The following FAT3 variants were observed in gnomAD, a reference collection of about 807,000 sequenced individuals.
The protein encoded by FAT3 is protocadherin Fat 3.
A neutral mutation model predicts 310.2 loss-of-function variants in FAT3; 95 were observed. The observed-to-expected ratio is 0.31, with a 90% CI of 0.26 to 0.36. The LOEUF (loss-of-function observed/expected upper bound fraction) is 0.36, where lower values mean the gene tolerates loss of function less well. FAT3 is among the 10% of genes least tolerant of loss of function. The pLI, the probability that FAT3 is intolerant of heterozygous loss-of-function variation, is 1.00. For synonymous variants in FAT3, 2,314 were observed against 2,192.9 expected (o/e 1.06, Z -1.54); for missense variants, 5,408 against 5,715.6 (o/e 0.95, Z 1.74).
At chr11:92,369,516 G>A (rs1042666351) in intron 2 of FAT3, among the ~76,000 whole-genome samples, 3 of 152,042 alleles carry the variant, frequency 2.0e-5, no homozygotes, top group African/African-American at 4.8e-5. Context: ...TCTCTGTATC[G>A]CTGGAGGAGG....
chr11:92,679,581 G>A (rs940295744), intron 3 of FAT3, among the ~76,000 whole-genome samples: 6 of 151,828 alleles, frequency 4.0e-5, no homozygotes, highest in African/African-American at 1.2e-4. Flanking sequence ...GGTGGCTCAC[G>A]CCTGTAATCC....
At chr11:92,367,929 T>C (rs1004137126) in intron 2 of FAT3, among the ~76,000 whole-genome samples, 10 of 152,212 alleles carry the variant, frequency 6.6e-5, no homozygotes, top group African/African-American at 2.2e-4. Flanking sequence ...GGCTTGAAGT[T>C]CATACTATTG....
intron 2 of FAT3, among the ~76,000 whole-genome samples, chr11:92,408,747 A>G (rs1950191320): frequency 6.6e-6 from 1 of 152,230 alleles, no homozygotes; most frequent in Admixed American, 6.5e-5. Flanking sequence ...ACATGTGCCT[A>G]TGTGAATAAG....
chr11:92,705,892 ATGGTGG>A (rs1243844059), intron 4 of FAT3, among the ~76,000 whole-genome samples: 2 of 38,056 alleles, frequency 5.3e-5, no homozygotes, highest in African/African-American at 1.9e-4. Flanking sequence ...TGGTGGTGTG[ATGGTGG>A]TGGTGATGGT....
chr11:92,656,686 A>C (rs1053506104), intron 3 of FAT3, among the ~76,000 whole-genome samples: 2 of 152,178 alleles, frequency 1.3e-5, no homozygotes, highest in Non-Finnish European at 1.5e-5. Flanking sequence ...CTGTGTAAAA[A>C]ATACTTAGCA....
At chr11:92,835,402 T>C (rs1186752571) in intron 15 of FAT3, among the ~76,000 whole-genome samples, 1 of 152,210 alleles carries the variant, frequency 6.6e-6, no homozygotes, top group Admixed American at 6.5e-5. Flanking sequence ...TGTGAACTTA[T>C]ATGACAGGTT....
intron 2 of FAT3, among the ~76,000 whole-genome samples, chr11:92,492,973 G>T (rs1952651601): frequency 6.6e-6 from 1 of 151,900 alleles, no homozygotes; most frequent in Admixed American, 6.6e-5. Flanking sequence ...CAGAGTTTCT[G>T]TTTTGTTTTT....
intron 2 of FAT3, among the ~76,000 whole-genome samples, chr11:92,399,954 C>T (rs192536694): frequency 6.6e-6 from 1 of 152,290 alleles, no homozygotes; most frequent in Non-Finnish European, 1.5e-5. Flanking sequence ...TGTTTTTCTT[C>T]CTGCCTGCTA....
intron 2 of FAT3, among the ~76,000 whole-genome samples, chr11:92,362,272 CATTA>C (rs1398953765): frequency 6.6e-6 from 1 of 152,204 alleles, no homozygotes; most frequent in Admixed American, 6.5e-5. Context: ...ATTTGAGACA[CATTA>C]ATTACTGTCA....
intron 3 of FAT3, among the ~76,000 whole-genome samples, chr11:92,570,153 T>G (rs571122030): frequency 6.6e-6 from 1 of 152,316 alleles, no homozygotes; most frequent in African/African-American, 2.4e-5. Context: ...TTGGCAAGTA[T>G]GGAAAACTAT....
chr11:92,261,440 T>C (rs370946891), intron 1 of FAT3, among the ~76,000 whole-genome samples: 14 of 152,264 alleles, frequency 9.2e-5, no homozygotes, highest in Middle Eastern at 3.4e-3. Context: ...GGGCCTCTTA[T>C]GCAGAAGGAT....
chr11:92,677,587 C>A (rs1320235433), intron 3 of FAT3, among the ~76,000 whole-genome samples: 1 of 152,170 alleles, frequency 6.6e-6, no homozygotes, highest in African/African-American at 2.4e-5. Flanking sequence ...TTATTTCTTG[C>A]AGCTTTGGAG....
intron 3 of FAT3, among the ~76,000 whole-genome samples, chr11:92,576,025 T>C (rs1938466967): frequency 6.6e-6 from 1 of 152,142 alleles, no homozygotes; most frequent in Non-Finnish European, 1.5e-5. Context: ...AAATTGGGAG[T>C]TTAAAAATGT....
chr11:92,675,226 T>G (rs1232248033), intron 3 of FAT3, among the ~76,000 whole-genome samples: 1 of 152,214 alleles, frequency 6.6e-6, no homozygotes, highest in Non-Finnish European at 1.5e-5. Flanking sequence ...AAAACTTGTC[T>G]TCTTAGTTTT....
intron 2 of FAT3, among the ~76,000 whole-genome samples, chr11:92,380,670 C>A (rs1056463031): frequency 5.3e-5 from 8 of 152,136 alleles, no homozygotes; most frequent in Admixed American, 4.6e-4. Context: ...GGTGACACTT[C>A]AGTCTTTGGT....
intron 13 of FAT3, among the ~76,000 whole-genome samples, chr11:92,819,180 A>G (rs1459415943): frequency 6.6e-6 from 1 of 152,208 alleles, no homozygotes; most frequent in Non-Finnish European, 1.5e-5. Context: ...TAGGGGCCAC[A>G]GGAGGGTTGG....
chr11:92,714,671 T>C (rs918142173), intron 4 of FAT3, among the ~76,000 whole-genome samples: 2 of 152,208 alleles, frequency 1.3e-5, no homozygotes, highest in African/African-American at 4.8e-5. Flanking sequence ...TATTACTAGA[T>C]TGTGGAATAC....
At chr11:92,563,888 A>G (rs750546466) in intron 3 of FAT3, among the ~76,000 whole-genome samples, 3 of 152,190 alleles carry the variant, frequency 2.0e-5, no homozygotes, top group Admixed American at 6.5e-5. Flanking sequence ...TAAAGGAAGC[A>G]CTAAACATGG....
At chr11:92,323,100 T>C (rs188925097) in intron 1 of FAT3, among the ~76,000 whole-genome samples, 12 of 152,282 alleles carry the variant, frequency 7.9e-5, no homozygotes, top group Admixed American at 2.0e-4. Context: ...ATGGGCTGCA[T>C]AGTGGATGTT....
Sources: gnomAD v4.1 joint callset for allele counts (sites outside exome capture counted in the v4.1 genomes callset) on GRCh38, gnomAD v4.1.1 for gene constraint, MANE v1.5 for transcripts, NCBI Gene and HGNC (gene_info 2026-07-23, HGNC 2026-07-21) for gene names.